The following SRGAP2B variants were observed in gnomAD, a reference collection of about 807,000 sequenced individuals.
SRGAP2B encodes SLIT-ROBO Rho GTPase-activating protein 2B.
SRGAP2B carries 9 observed loss-of-function variants against 22.2 expected under a neutral mutation model. The observed-to-expected ratio is 0.41, with a 90% confidence interval of 0.24 to 0.71. The LOEUF (loss-of-function observed/expected upper bound fraction) is 0.71, where lower values mean the gene tolerates loss of function less well. SRGAP2B is among the 30% of genes least tolerant of loss of function. The pLI, the probability that SRGAP2B is intolerant of heterozygous loss-of-function variation, is 0.35. For missense variants in SRGAP2B, 114 were observed against 235.8 expected (o/e 0.48, Z 3.38); for synonymous variants, 36 against 87.4 (o/e 0.41, Z 3.28).
chr1:144,955,445 A>G (rs781838322), exon 4 of SRGAP2B: 1 of 1,595,892 alleles, frequency 6.3e-7, no homozygotes, highest in African/African-American at 1.4e-5. Flanking sequence ...GTACCTTTTT[A>G]AAGAGTCTTC....
chr1:144,996,165 A>G (rs587712535), intron 2 of SRGAP2B, among the ~76,000 whole-genome samples: 1 of 151,156 alleles, frequency 6.6e-6, no homozygotes, highest in Non-Finnish European at 1.5e-5. Context: ...TACTGACAAG[A>G]GACCTGGCAC....
At chr1:144,927,510 CAACCATGCT>C (rs1664824120) in intron 4 of SRGAP2B, among the ~76,000 whole-genome samples, 1 of 150,392 alleles carries the variant, frequency 6.6e-6, no homozygotes, top group Non-Finnish European at 1.5e-5. Flanking sequence ...AGTCAGCTGT[CAACCATGCT>C]GTTGCTCCAC....
At chr1:144,971,226 G>T (rs1553613201) in intron 3 of SRGAP2B, among the ~76,000 whole-genome samples, 1 of 148,824 alleles carries the variant, frequency 6.7e-6, no homozygotes, top group African/African-American at 2.6e-5. Context: ...CGCCTCCTGG[G>T]TTCAAGCGAT....
chr1:144,925,793 A>AAGAG (rs1664689759), intron 4 of SRGAP2B, among the ~76,000 whole-genome samples: 1 of 81,642 alleles, frequency 1.2e-5, no homozygotes, highest in Non-Finnish European at 2.6e-5. Flanking sequence ...GAAAGAAAGA[A>AAGAG]AGGAGAGAGA....
chr1:144,988,880 G>C (rs1669951654), intron 3 of SRGAP2B, among the ~76,000 whole-genome samples: 3 of 139,432 alleles, frequency 2.2e-5, no homozygotes, highest in Admixed American at 2.1e-4. Context: ...CACCAGGGTA[G>C]AGACACTGGG....
chr1:145,008,871 CAAAA>C (rs782194327), intron 2 of SRGAP2B, among the ~76,000 whole-genome samples: 1 of 134,534 alleles, frequency 7.4e-6, no homozygotes, highest in Non-Finnish European at 1.6e-5. Flanking sequence ...AACAAAACAC[CAAAA>C]AAAAAAAACA....
At chr1:145,062,583 C>CA (rs1402828451) in intron 2 of SRGAP2B, among the ~76,000 whole-genome samples, 1 of 152,266 alleles carries the variant, frequency 6.6e-6, no homozygotes, top group African/African-American at 2.4e-5. Context: ...TTCTATACCA[C>CA]ATAACAAGAT....
chr1:145,082,081 C>CAA (rs1214095985), intron 2 of SRGAP2B, among the ~76,000 whole-genome samples: 1 of 143,608 alleles, frequency 7.0e-6, no homozygotes, highest in African/African-American at 2.8e-5. Context: ...AACAAACAAA[C>CAA]AAAAAAAACA....
At chr1:144,942,298 T>C (rs587697411) in intron 4 of SRGAP2B, among the ~76,000 whole-genome samples, 4 of 150,668 alleles carry the variant, frequency 2.7e-5, no homozygotes, top group Admixed American at 2.6e-4. Flanking sequence ...GCTTGCACAC[T>C]ATTCGTGTGT....
At chr1:144,940,926 A>C (rs1293007918) in intron 4 of SRGAP2B, among the ~76,000 whole-genome samples, 2 of 150,032 alleles carry the variant, frequency 1.3e-5, no homozygotes, top group Admixed American at 1.3e-4. Flanking sequence ...AGATGCAATG[A>C]CATGATAAAA....
chr1:144,955,203 G>A (rs1356677344), intron 4 of SRGAP2B, among the ~76,000 whole-genome samples: 1 of 150,076 alleles, frequency 6.7e-6, no homozygotes, highest in African/African-American at 2.5e-5. Context: ...ATGACTAGTG[G>A]AAAGCCTATG....
intron 3 of SRGAP2B, among the ~76,000 whole-genome samples, chr1:144,963,061 T>G (rs1364251495): frequency 1.3e-5 from 2 of 151,118 alleles, no homozygotes; most frequent in Non-Finnish European, 2.9e-5. Context: ...TTGGCTGACT[T>G]AGAAAATCTG....
At chr1:144,964,605 T>C (rs1365202263) in intron 3 of SRGAP2B, among the ~76,000 whole-genome samples, 2 of 150,414 alleles carry the variant, frequency 1.3e-5, no homozygotes, top group African/African-American at 5.0e-5. Flanking sequence ...GGAATCTGGA[T>C]GAACAATGTG....
At chr1:144,939,932 G>C (rs587657299) in intron 4 of SRGAP2B, among the ~76,000 whole-genome samples, 32 of 149,916 alleles carry the variant, frequency 2.1e-4, no homozygotes, top group African/African-American at 7.8e-4. Context: ...GAGAAGAGAT[G>C]ATTAAAGTTG....
intron 2 of SRGAP2B, among the ~76,000 whole-genome samples, chr1:145,031,269 G>T (rs1411772188): frequency 7.1e-6 from 1 of 140,516 alleles, no homozygotes; most frequent in Non-Finnish European, 1.5e-5. Context: ...CATTTTATAT[G>T]AAAAAATATA....
chr1:144,930,897 T>C (rs1553605586), intron 4 of SRGAP2B, among the ~76,000 whole-genome samples: 1 of 149,440 alleles, frequency 6.7e-6, no homozygotes, highest in Non-Finnish European at 1.5e-5. Flanking sequence ...ATCATTTCCC[T>C]ATGAGTAGGT....
chr1:145,094,805 G>T (rs1654303817), intron 1 of SRGAP2B: 1 of 617,612 alleles, frequency 1.6e-6, no homozygotes, highest in Admixed American at 2.7e-5. Context: ...ATCCTCCTGG[G>T]TCCTAGGCTG....
chr1:144,979,031 C>A (rs1249764368), intron 3 of SRGAP2B, among the ~76,000 whole-genome samples: 2 of 151,542 alleles, frequency 1.3e-5, no homozygotes, highest in Non-Finnish European at 3.0e-5. Context: ...TCTCATCACT[C>A]ACCTCTGTTT....
intron 3 of SRGAP2B, among the ~76,000 whole-genome samples, chr1:144,976,834 A>G (rs1261442168): frequency 3.7e-5 from 2 of 54,214 alleles, no homozygotes; most frequent in African/African-American, 2.3e-4. Context: ...CAGACCAAAA[A>G]GTGGGGGTGA....
Sources: gnomAD v4.1 joint callset for allele counts (sites outside exome capture counted in the v4.1 genomes callset) on GRCh38, gnomAD v4.1.1 for gene constraint, MANE v1.5 for transcripts, NCBI Gene and HGNC (gene_info 2026-07-23, HGNC 2026-07-21) for gene names.